The following ATRNL1 variants were observed in gnomAD, a reference collection of about 807,000 sequenced individuals.
The protein encoded by ATRNL1 is attractin like 1, also known as attractin-like protein 1.
A neutral mutation model predicts 182.7 loss-of-function variants in ATRNL1; 95 were observed. The ratio of observed to expected loss-of-function variants is 0.52; its 90% confidence interval spans 0.44 to 0.62. ATRNL1 has a LOEUF of 0.62. ATRNL1 is among the 20% of genes least tolerant of loss of function. The pLI, the probability that ATRNL1 is intolerant of heterozygous loss-of-function variation, is 0.00. For missense variants in ATRNL1, 1,471 were observed against 1,679.5 expected, an observed-to-expected ratio of 0.88 and a Z score of 2.17; for synonymous variants, 576 against 568.3, an observed-to-expected ratio of 1.01 and a Z score of -0.19.
chr10:115,097,092 A>C (rs1031762587), intron 1 of ATRNL1, among the ~76,000 whole-genome samples: 2 of 152,186 alleles, frequency 1.3e-5, no homozygotes, highest in African/African-American at 4.8e-5. Flanking sequence ...ATTTATATAA[A>C]TATAAAGAGT....
chr10:115,353,903 CTT>C (rs1856383961), intron 19 of ATRNL1, among the ~76,000 whole-genome samples: 2 of 152,240 alleles, frequency 1.3e-5, no homozygotes, highest in African/African-American at 4.8e-5. Context: ...TACTTTTTGA[CTT>C]TTTGTTGTCT....
At chr10:115,561,842 A>T (rs528413522) in intron 26 of ATRNL1, among the ~76,000 whole-genome samples, 1 of 152,224 alleles carries the variant, frequency 6.6e-6, no homozygotes, top group African/African-American at 2.4e-5. Context: ...TAATAATGTT[A>T]TTATTATTCA....
intron 23 of ATRNL1, 113 bp from the exon 24 acceptor site, chr10:115,469,059 A>C (rs1848188121): frequency 2.6e-6 from 1 of 378,246 alleles, no homozygotes; most frequent in Admixed American, 4.7e-5. Context: ...AATTATAAAC[A>C]GTATATTTTG....
intron 24 of ATRNL1, among the ~76,000 whole-genome samples, chr10:115,512,411 A>G (rs184329575): frequency 1.3e-5 from 2 of 151,942 alleles, no homozygotes; most frequent in East Asian, 1.9e-4. Context: ...TCTTCCTTTC[A>G]TAGCTTTTAA....
chr10:115,456,566 T>C (rs937629983), intron 21 of ATRNL1, among the ~76,000 whole-genome samples: 1 of 152,166 alleles, frequency 6.6e-6, no homozygotes, highest in Non-Finnish European at 1.5e-5. Context: ...CAAACTACCA[T>C]GGCACATGTA....
At chr10:115,428,660 T>A (rs1175729441) in intron 21 of ATRNL1, among the ~76,000 whole-genome samples, 1 of 152,092 alleles carries the variant, frequency 6.6e-6, no homozygotes, top group African/African-American at 2.4e-5. Flanking sequence ...TATTTTACTT[T>A]GTTAATATAG....
chr10:115,264,623 A>C (rs1554909919), intron 10 of ATRNL1, among the ~76,000 whole-genome samples: 1 of 151,580 alleles, frequency 6.6e-6, no homozygotes, highest in East Asian at 1.9e-4. Flanking sequence ...TATAGTTCAT[A>C]GATTATTTAT....
chr10:115,506,615 A>C (rs1850125756), intron 24 of ATRNL1, among the ~76,000 whole-genome samples: 1 of 152,126 alleles, frequency 6.6e-6, no homozygotes, highest in Admixed American at 6.6e-5. Context: ...TCATCATGGA[A>C]ACAGAAAATC....
At chr10:115,777,195 G>C (rs962224699) in intron 27 of ATRNL1, among the ~76,000 whole-genome samples, 4 of 152,194 alleles carry the variant, frequency 2.6e-5, no homozygotes, top group African/African-American at 9.6e-5. Context: ...TTGCATGCTT[G>C]AACATTTCTT....
chr10:115,112,133 C>G (rs1478822353), intron 1 of ATRNL1, among the ~76,000 whole-genome samples: 1 of 151,402 alleles, frequency 6.6e-6, no homozygotes, highest in Non-Finnish European at 1.5e-5. Context: ...AACTAGAAAA[C>G]ATTAATGAAA....
intron 26 of ATRNL1, among the ~76,000 whole-genome samples, chr10:115,652,295 T>C (rs1237251836): frequency 1.3e-5 from 2 of 152,002 alleles, no homozygotes; most frequent in African/African-American, 4.8e-5. Flanking sequence ...CTATTTTGTA[T>C]TTTTCTCATT....
At chr10:115,714,192 C>T (rs1324825793) in intron 26 of ATRNL1, among the ~76,000 whole-genome samples, 1 of 151,886 alleles carries the variant, frequency 6.6e-6, no homozygotes, top group Non-Finnish European at 1.5e-5. Flanking sequence ...GTGAAATAAA[C>T]AGCATCAGTT....
intron 26 of ATRNL1, among the ~76,000 whole-genome samples, chr10:115,675,623 C>A (rs1305543215): frequency 6.6e-6 from 1 of 151,962 alleles, no homozygotes; most frequent in Admixed American, 6.6e-5. Context: ...TTATTCACTG[C>A]AGTTATTTTT....
chr10:115,120,105 C>A, intron 1 of ATRNL1, 80 bp from the exon 2 acceptor site: 1 of 853,112 alleles, frequency 1.2e-6, no homozygotes, highest in East Asian at 2.8e-5. Flanking sequence ...GGCTTAATGA[C>A]TTTTAAATTT....
chr10:115,115,514 A>G (rs1354890433), intron 1 of ATRNL1, among the ~76,000 whole-genome samples: 1 of 152,108 alleles, frequency 6.6e-6, no homozygotes, highest in Non-Finnish European at 1.5e-5. Context: ...TACCCCATGA[A>G]TATATACAAT....
intron 1 of ATRNL1, among the ~76,000 whole-genome samples, chr10:115,109,536 A>G (rs1448926314): frequency 1.3e-5 from 2 of 152,178 alleles, no homozygotes; most frequent in African/African-American, 4.8e-5. Flanking sequence ...CATGAGGGCT[A>G]TGCTCTCATG....
intron 21 of ATRNL1, among the ~76,000 whole-genome samples, chr10:115,438,588 T>C (rs781967673): frequency 2.8e-4 from 42 of 152,074 alleles, no homozygotes; most frequent in Non-Finnish European, 5.0e-4. Flanking sequence ...AAACTCCTTT[T>C]TCATGCAATG....
chr10:115,133,266 GC>G (rs2143743823), intron 5 of ATRNL1, among the ~76,000 whole-genome samples: 1 of 152,050 alleles, frequency 6.6e-6, no homozygotes, highest in South Asian at 2.1e-4. Flanking sequence ...ATTTCTGAGG[GC>G]TCTGTTCTGT....
intron 5 of ATRNL1, among the ~76,000 whole-genome samples, chr10:115,145,127 T>C (rs1384856759): frequency 6.6e-6 from 1 of 152,202 alleles, no homozygotes; most frequent in Non-Finnish European, 1.5e-5. Flanking sequence ...AAATCTGGTC[T>C]TTAAAATTTT....
Sources: allele counts gnomAD v4.1 joint callset (sites outside exome capture counted in the v4.1 genomes callset), GRCh38; gene constraint gnomAD v4.1.1; transcripts MANE v1.5; gene names NCBI Gene and HGNC (gene_info 2026-07-23, HGNC 2026-07-21).